Variants in SERPINA9 observed in about 807,000 individuals in gnomAD.
SERPINA9 encodes the protein serpin family A member 9.
Under a neutral mutation model 24.5 loss-of-function variants are expected in SERPINA9, and 32 were observed. That is an observed-to-expected ratio of 1.30 (90% CI 0.98 to 1.75). The LOEUF (loss-of-function observed/expected upper bound fraction) is 1.75. SERPINA9 is among the 40% of genes most tolerant of loss of function. The pLI is 0.00. For missense variants in SERPINA9, 594 were observed against 497.1 expected (o/e 1.19, Z -1.85); for synonymous variants, 233 against 197.7 (o/e 1.18, Z -1.50).
At chr14:94,466,466 AC>A (rs1408283896) in intron 3 of SERPINA9, among the ~76,000 whole-genome samples, 1 of 152,208 alleles carries the variant, frequency 6.6e-6, no homozygotes, top group African/African-American at 2.4e-5. Context: ...GCACCAGGGA[AC>A]GCTGCTAAAA....
At chr14:94,463,722 T>G (rs1898851756) in intron 4 of SERPINA9, among the ~76,000 whole-genome samples, 1 of 152,152 alleles carries the variant, frequency 6.6e-6, no homozygotes, top group Non-Finnish European at 1.5e-5. Flanking sequence ...ATGGCAGACA[T>G]GGGTTTGATA....
intron 2 of SERPINA9, among the ~76,000 whole-genome samples, chr14:94,467,920 G>C (rs1173433553): frequency 6.6e-6 from 1 of 150,856 alleles, no homozygotes; most frequent in African/African-American, 2.4e-5. Flanking sequence ...TGCATGGATG[G>C]ATGGATGGAT....
Position 94,467,274 on chromosome 14 carries a change from A to T in SERPINA9, c.737T>A (p.Phe246Tyr), listed in dbSNP as rs1899050469. ...CAGCTCTGTATCCACCCCAAAAGCG[A>T]ACTGCTCTTTCTGGTGCATCATGGG... ...HVPMMHQKEQ[F>Y]AFGVDTELNC... The change falls in exon 3 of 5, where the codon TTC becomes TAC. Residue 246 changes from phenylalanine to tyrosine, a missense_variant. Coordinates refer to ENST00000674397, the MANE Select transcript of SERPINA9 (RefSeq NM_175739.4). 1 of 1,614,032 alleles carries T rather than the reference A, an allele frequency of 6.2e-7. No individual in the cohort carries two copies. Among genetic ancestry groups the T allele is most frequent in the Admixed American group, 1.7e-5 (1 of 59,994 alleles).
At position 94,464,391 on chromosome 14, in the gene SERPINA9, TG is replaced by T. The variant is rs569590374; in HGVS notation, c.1050+315del. 841 of 446,302 alleles carry T rather than the reference TG, an allele frequency of 1.9e-3. 7 individuals carry two copies. The highest frequency in any genetic ancestry group is 0.016 in the African/African-American group (776 of 49,862). The allele number at this position is 446,302 out of a possible 1,614,324, so 27.6% of individuals were successfully genotyped here. On this transcript the variant is annotated intron_variant, in intron 4 of 4. Coordinates refer to ENST00000674397, the MANE Select transcript of SERPINA9 (RefSeq NM_175739.4). ...CTATGGGCAGCCACACTGTGATGCCTGTGTGAGGGCCTAAACTTCAGGGAGG... is the reference window on the plus strand; with the variant it reads ...CTATGGGCAGCCACACTGTGATGCCTTGTGAGGGCCTAAACTTCAGGGAGG...
rs1057259781 is a variant in SERPINA9 at position 94,470,948 on chromosome 14, A to G, written c.-17-1091T>C. The stretch of plus-strand genomic sequence containing the variant: ...ACAACAGTAAGTGGTCATTTTAGAG[A>G]AGGAAGGTGTATGAATCCAATGCAA... On this transcript the variant is annotated intron_variant, in intron 1 of 4. Coordinates refer to ENST00000674397, the MANE Select transcript of SERPINA9 (RefSeq NM_175739.4). Among the ~76,000 whole-genome samples, 16 of 152,138 alleles carry G rather than the reference A, an allele frequency of 1.1e-4. 1 individual carries two copies. The highest frequency in any genetic ancestry group is 4.4e-5 in the Non-Finnish European group (3 of 68,018).
At chr14:94,466,708 C>T (rs997822011) in intron 3 of SERPINA9, among the ~76,000 whole-genome samples, 1 of 152,188 alleles carries the variant, frequency 6.6e-6, no homozygotes, top group Non-Finnish European at 1.5e-5. Flanking sequence ...TTTTCACCAA[C>T]CTTTGGATTT....
intron 1 of SERPINA9, among the ~76,000 whole-genome samples, chr14:94,474,179 G>GC (rs1473862097): frequency 6.6e-6 from 1 of 152,216 alleles, no homozygotes; most frequent in Admixed American, 6.5e-5. Context: ...AGGGGTCTGT[G>GC]CCCCTTTCTG....
At chr14:94,474,217 C>G (rs1899465248) in intron 1 of SERPINA9, among the ~76,000 whole-genome samples, 1 of 152,166 alleles carries the variant, frequency 6.6e-6, no homozygotes, top group African/African-American at 2.4e-5. Flanking sequence ...GCAGGTGGCT[C>G]TCAGGGGGCC....
At chr14:94,474,207 G>A (rs1054445580) in intron 1 of SERPINA9, among the ~76,000 whole-genome samples, 1 of 152,218 alleles carries the variant, frequency 6.6e-6, no homozygotes, top group Admixed American at 6.5e-5. Flanking sequence ...TGGCAGTGGG[G>A]CAGGTGGCTC....
At chr14:94,467,067 A>G (rs1356237670) in intron 3 of SERPINA9, 42 bp downstream of exon 3, 3 of 1,592,390 alleles carry the variant, frequency 1.9e-6, no homozygotes, top group Non-Finnish European at 1.7e-6. Context: ...GAATGTGTGC[A>G]TCCCCTGCCT....
intron 3 of SERPINA9, among the ~76,000 whole-genome samples, chr14:94,465,431 C>A (rs888861493): frequency 2.0e-5 from 3 of 152,210 alleles, no homozygotes; most frequent in Non-Finnish European, 4.4e-5. Context: ...GGTGGCTTAG[C>A]GGCTACTATA....
In SERPINA9 at chr14:94,463,014, C is replaced by T. The variant is rs1898811691; in HGVS notation, c.*79G>A. The T allele has an allele frequency of 7.7e-6, 10 of 1,292,944 alleles. No homozygotes were observed. Among genetic ancestry groups the T allele is most frequent in the East Asian group, 2.3e-5 (1 of 43,314 alleles). The allele number at this position is 1,292,944 out of a possible 1,614,324, so 80.1% of individuals were successfully genotyped here. On this transcript the variant is annotated 3_prime_UTR_variant, in exon 5 of 5. Transcript: ENST00000674397. ...CAGCTCCACTGGGGTCAAATGCACC[C>T]TCAGAACAGAAAGAGGGATGTGGTT...
chr14:94,464,439 G>A (rs1457347856), intron 4 of SERPINA9: 4 of 535,952 alleles, frequency 7.5e-6, no homozygotes, highest in Non-Finnish European at 1.3e-5. Flanking sequence ...GTCAGATCCT[G>A]AGGGAGCACT....
intron 1 of SERPINA9, among the ~76,000 whole-genome samples, chr14:94,472,028 C>T (rs74316413): frequency 0.021 from 3,149 of 152,232 alleles, 103 homozygotes; most frequent in African/African-American, 0.072. Flanking sequence ...TGCACAGAGA[C>T]GATCTACTGG....
At chr14:94,469,116 C>A in intron 2 of SERPINA9, 97 bp downstream of exon 2, 2 of 1,081,388 alleles carry the variant, frequency 1.8e-6, no homozygotes, top group Non-Finnish European at 2.7e-6. Context: ...CTCCACCCTG[C>A]AGTCTAGGGT....
rs1898823295 is a variant in SERPINA9 at position 94,463,167 on chromosome 14, G to C, written c.1180C>G (p.Leu394Val). ...GTGGCTTTATTTGTAATCATCATCA[G>C]GAAGGTCCTATTGAAGGAGACAGTG... ...YFTVSFNRTF[L>V]MMITNKATDG... The change falls in exon 5 of 5, where the codon CTG becomes GTG. Residue 394 changes from leucine to valine, a missense_variant. By Grantham distance (32) the Leu-to-Val change is conservative. Coordinates refer to ENST00000674397, the MANE Select transcript of SERPINA9 (RefSeq NM_175739.4). The C allele has an allele frequency of 1.2e-6, 2 of 1,614,212 alleles. No individual in the cohort carries two copies. The highest frequency in any genetic ancestry group is 1.3e-5 in the African/African-American group (1 of 75,056).
chr14:94,470,190 T>C (rs2139813591), intron 1 of SERPINA9: 1 of 1,049,018 alleles, frequency 9.5e-7, no homozygotes, highest in Admixed American at 5.2e-5. Flanking sequence ...CATGGACTTA[T>C]TTTTTAAGAA....
chr14:94,465,980 C>A (rs931742730), intron 3 of SERPINA9, among the ~76,000 whole-genome samples: 2 of 152,164 alleles, frequency 1.3e-5, no homozygotes, highest in African/African-American at 2.4e-5. Context: ...ACATTTCAGT[C>A]CTCATCTGAC....
chr14:94,471,422 A>G lies in SERPINA9; in HGVS notation c.-17-1565T>C, dbSNP rs1470664635. 2.6e-5 allele frequency among the ~76,000 whole-genome samples: 4 copies of G among 152,342 alleles called. No homozygotes were observed. In the East Asian group the frequency reaches 7.7e-4, roughly 29 times the overall value. ...AGACCAAGCATAATGTGACAGCCACATTCCCAACAATTTCTCTGTGGAAAT... is the reference window on the plus strand; with the variant it reads ...AGACCAAGCATAATGTGACAGCCACGTTCCCAACAATTTCTCTGTGGAAAT... On this transcript the variant is annotated intron_variant, in intron 1 of 4. Coordinates refer to ENST00000674397, the MANE Select transcript of SERPINA9 (RefSeq NM_175739.4).
Sources: allele counts gnomAD v4.1 joint callset (sites outside exome capture counted in the v4.1 genomes callset), GRCh38; gene constraint gnomAD v4.1.1; transcripts MANE v1.5; gene names NCBI Gene and HGNC (gene_info 2026-07-23, HGNC 2026-07-21).